RGS22: variants seen among roughly 807,000 people sequenced by gnomAD.
RGS22 encodes regulator of G protein signaling 22.
In RGS22, 148 loss-of-function variants were observed where a neutral mutation model predicts 172.9. That is an observed-to-expected ratio of 0.86 (90% CI 0.75 to 0.98). The LOEUF (loss-of-function observed/expected upper bound fraction) is 0.98. Ranked by LOEUF, RGS22 falls within the 50% of genes least tolerant of loss-of-function variation. The probability of loss-of-function intolerance (pLI) is 0.00; values close to 1 mark genes in which losing one functional copy is unlikely to be tolerated. For synonymous variants in RGS22, 458 were observed against 480.2 expected, an observed-to-expected ratio of 0.95 and a Z score of 0.60; for missense variants, 1,347 against 1,440.8, an observed-to-expected ratio of 0.93 and a Z score of 1.05.
chr8:100,050,815 T>TG (rs1426625752), intron 10 of RGS22: 1 of 152,220 alleles, frequency 6.6e-6, no homozygotes, highest in Non-Finnish European at 1.5e-5. Flanking sequence ...ATTCAGCTAT[T>TG]GCTACTTCTC....
chr8:100,077,750 G>A (rs1222967889), intron 4 of RGS22, among the ~76,000 whole-genome samples: 3 of 152,122 alleles, frequency 2.0e-5, no homozygotes, highest in African/African-American at 4.8e-5. Context: ...GGTTGCTAGT[G>A]TTTTTCAGAA....
chr8:100,007,431 A>G (rs1435909805), intron 15 of RGS22, among the ~76,000 whole-genome samples: 1 of 152,220 alleles, frequency 6.6e-6, no homozygotes, highest in African/African-American at 2.4e-5. Flanking sequence ...CTCTTTCAGG[A>G]TGACAAAAGA....
intron 20 of RGS22, among the ~76,000 whole-genome samples, chr8:99,988,836 T>C (rs1366596593): frequency 1.3e-5 from 2 of 152,180 alleles, no homozygotes; most frequent in African/African-American, 4.8e-5. Context: ...GTGAGACACA[T>C]GTCATGTTCT....
chr8:99,983,553 T>TA (rs1812775664), intron 21 of RGS22, among the ~76,000 whole-genome samples: 1 of 152,200 alleles, frequency 6.6e-6, no homozygotes, highest in Non-Finnish European at 1.5e-5. Context: ...TCTCTGATGA[T>TA]TAGTGATGCT....
At chr8:100,038,901 C>T in intron 14 of RGS22, 30 bp downstream of exon 14, 1 of 1,425,808 alleles carries the variant, frequency 7.0e-7, no homozygotes, top group Non-Finnish European at 9.8e-7. Context: ...CTTAGTGCTT[C>T]ACATTGAACC....
intron 7 of RGS22, 138 bp downstream of exon 7, chr8:100,066,029 C>T: frequency 1.6e-6 from 1 of 636,036 alleles, no homozygotes; most frequent in South Asian, 3.4e-5. Context: ...TCTCAAAAAA[C>T]ATAGGAAGTC....
Position 100,071,546 on chromosome 8 carries a change from T to C in RGS22, c.426-9A>G. On this transcript the variant is annotated splice_polypyrimidine_tract_variant and intron_variant, in intron 5 of 27. Transcript: ENST00000360863. ...AGACCAATTTGGCTAACCTGCATTT[T>C]AGAAATCATACAAATTTAAAACAAG... 1 of 1,579,476 alleles carries C rather than the reference T, an allele frequency of 6.3e-7. No homozygotes were observed. Among genetic ancestry groups the C allele is most frequent in the Non-Finnish European group, 8.6e-7 (1 of 1,166,814 alleles).
rs1404238289 is a variant in RGS22, at chr8:99,981,955, A to G, written c.3342T>C (p.Tyr1114=). 8 of 1,612,654 alleles carry G rather than the reference A, an allele frequency of 5.0e-6. No homozygotes were observed. In the East Asian group the frequency reaches 1.8e-4, roughly 36 times the overall value. ...IIEHRKELGP[Y]VFREAQMTIF... is the part of the protein sequence containing the mutation. Reference sequence around the variant, plus strand: ...CTCTTACCTGTGCCTCTCTAAATACATATGGTCCTAACTCCTTCCGGTGTT... The same window carrying G: ...CTCTTACCTGTGCCTCTCTAAATACGTATGGTCCTAACTCCTTCCGGTGTT... The change falls in exon 22 of 28, where the codon TAT becomes TAC. Residue 1114 remains tyrosine, a synonymous_variant. Transcript: ENST00000360863.
chr8:100,102,476 CA>C (rs773796887), intron 2 of RGS22, among the ~76,000 whole-genome samples: 152 of 152,260 alleles, frequency 1.0e-3, no homozygotes, highest in Admixed American at 3.3e-3. Context: ...TTTTGAAAAA[CA>C]GGGGTAAATA....
intron 23 of RGS22, among the ~76,000 whole-genome samples, chr8:99,970,961 C>T (rs982614128): frequency 1.4e-4 from 21 of 152,262 alleles, no homozygotes; most frequent in African/African-American, 2.9e-4. Flanking sequence ...TGATGAACAT[C>T]GATGCAAAAA....
chr8:100,038,112 A>T (rs1363245124), intron 14 of RGS22, among the ~76,000 whole-genome samples: 1 of 152,202 alleles, frequency 6.6e-6, no homozygotes, highest in African/African-American at 2.4e-5. Context: ...GAATGCAGTT[A>T]TTCTGGATTG....
chr8:100,055,248 G>A (rs1290217189), intron 9 of RGS22, among the ~76,000 whole-genome samples: 1 of 152,210 alleles, frequency 6.6e-6, no homozygotes, highest in East Asian at 1.9e-4. Context: ...AGTCATAGTG[G>A]TGGTAGCTGC....
At chr8:100,004,727 C>T (rs899320356) in intron 16 of RGS22, 8 of 151,196 alleles carry the variant, frequency 5.3e-5, no homozygotes, top group African/African-American at 1.7e-4. Context: ...GTATCATAAA[C>T]ATAAGATATT....
rs1489885295 is a variant in RGS22, at chr8:100,002,274, A to C, written c.2718T>G (p.Ile906Met). 6.2e-7 allele frequency: 1 copy of C among 1,611,034 alleles called. No homozygotes were observed. The highest frequency in any genetic ancestry group is 8.5e-7 in the Non-Finnish European group (1 of 1,178,634). ...RNQRKAKSIY[I>M]KNKYLNKKYF... ...ATTTTTTATTAAGGTATTTGTTTTT[A>C]ATGTATATAGATTTTGCCTTCCTTT... is the stretch of plus-strand genomic sequence containing the variant. Residue 906 changes from isoleucine (I) to methionine (M), a missense_variant, in exon 18 of 28, where the codon ATT becomes ATG. Ile to Met is a conservative substitution (Grantham distance 10). Transcript: ENST00000360863.
At chr8:100,043,314 C>A (rs1045437426) in intron 11 of RGS22, among the ~76,000 whole-genome samples, 1 of 145,166 alleles carries the variant, frequency 6.9e-6, no homozygotes, top group Non-Finnish European at 1.5e-5. Context: ...GGCTCTTGAA[C>A]CTGTCCCTCT....
At chr8:100,002,706 C>T (rs1045052640) in intron 17 of RGS22, among the ~76,000 whole-genome samples, 2 of 152,102 alleles carry the variant, frequency 1.3e-5, no homozygotes, top group South Asian at 4.1e-4. Context: ...TCATGTCATT[C>T]GACAAAAGGT....
intron 2 of RGS22, among the ~76,000 whole-genome samples, chr8:100,096,427 A>G (rs1225262394): frequency 6.6e-6 from 1 of 152,164 alleles, no homozygotes; most frequent in African/African-American, 2.4e-5. Flanking sequence ...CTGTTTTTTC[A>G]TGTATTACAG....
intron 15 of RGS22, 90 bp downstream of exon 15, chr8:100,008,285 G>A (rs902505446): frequency 2.3e-5 from 28 of 1,215,802 alleles, no homozygotes; most frequent in South Asian, 5.4e-5. Context: ...TGATCCACCC[G>A]CCTCGGCCTC....
chr8:100,077,877 G>T (rs1381479514), intron 4 of RGS22, among the ~76,000 whole-genome samples: 1 of 151,932 alleles, frequency 6.6e-6, no homozygotes, highest in Non-Finnish European at 1.5e-5. Context: ...ATCAGCTTTT[G>T]CATCATGTAC....
Sources: gnomAD v4.1 joint callset for allele counts (sites outside exome capture counted in the v4.1 genomes callset) on GRCh38, gnomAD v4.1.1 for gene constraint, MANE v1.5 for transcripts, NCBI Gene and HGNC (gene_info 2026-07-23, HGNC 2026-07-21) for gene names.